CLVS2: variants seen among roughly 807,000 people sequenced by gnomAD.
CLVS2 encodes the protein clavesin-2.
CLVS2 carries 19 observed loss-of-function variants against 29.0 expected under a neutral mutation model. The observed-to-expected ratio is 0.66, with a 90% CI of 0.46 to 0.96. The LOEUF is 0.96. CLVS2 is among the 40% of genes least tolerant of loss of function. The pLI, the probability that CLVS2 is intolerant of heterozygous loss-of-function variation, is 0.00. For missense variants in CLVS2, 294 were observed against 404.1 expected (o/e 0.73, Z 2.34); for synonymous variants, 161 against 151.3 (o/e 1.06, Z -0.47).
intron 3 of CLVS2, among the ~76,000 whole-genome samples, chr6:123,037,001 C>A (rs1226192208): frequency 2.6e-5 from 4 of 152,148 alleles, no homozygotes; most frequent in Admixed American, 6.6e-5. Flanking sequence ...TTATTATTTT[C>A]AAATATACAG....
At chr6:123,025,480 A>G (rs1774987995) in intron 3 of CLVS2, among the ~76,000 whole-genome samples, 1 of 152,150 alleles carries the variant, frequency 6.6e-6, no homozygotes, top group Non-Finnish European at 1.5e-5. Flanking sequence ...GATAATATGA[A>G]CATATATGAA....
At chr6:123,026,344 A>AATCTTTATTT (rs1424126871) in intron 3 of CLVS2, among the ~76,000 whole-genome samples, 1 of 152,182 alleles carries the variant, frequency 6.6e-6, no homozygotes, top group East Asian at 1.9e-4. Context: ...TTCACTCTAA[A>AATCTTTATTT]ATCTTTATTT....
At chr6:123,047,330 C>A (rs1468375517) in intron 3 of CLVS2, among the ~76,000 whole-genome samples, 7 of 152,010 alleles carry the variant, frequency 4.6e-5, no homozygotes, top group Admixed American at 3.3e-4. Flanking sequence ...ATAATAACCT[C>A]TCAATGAATG....
chr6:123,032,611 G>A (rs1250793163), intron 3 of CLVS2, among the ~76,000 whole-genome samples: 2 of 152,064 alleles, frequency 1.3e-5, no homozygotes, highest in Non-Finnish European at 2.9e-5. Context: ...ATAAAAGCGA[G>A]TGTTGGTTGT....
At chr6:123,020,123 C>T (rs1465595736) in intron 3 of CLVS2, among the ~76,000 whole-genome samples, 1 of 152,032 alleles carries the variant, frequency 6.6e-6, no homozygotes, top group Non-Finnish European at 1.5e-5. Context: ...AACACCTGAG[C>T]ACCCCTTGGT....
intron 3 of CLVS2, among the ~76,000 whole-genome samples, chr6:123,029,342 A>G (rs1186719858): frequency 1.3e-5 from 2 of 152,246 alleles, no homozygotes; most frequent in Non-Finnish European, 2.9e-5. Flanking sequence ...TGCAAACAAC[A>G]TATGAAAGGA....
chr6:123,035,307 C>G (rs1183450050), intron 3 of CLVS2, among the ~76,000 whole-genome samples: 1 of 150,996 alleles, frequency 6.6e-6, no homozygotes, highest in Non-Finnish European at 1.5e-5. Context: ...ATGGAACTTA[C>G]CATTGGGTAC....
intron 3 of CLVS2, among the ~76,000 whole-genome samples, chr6:123,027,381 A>C (rs1775018495): frequency 6.6e-6 from 1 of 152,240 alleles, no homozygotes; most frequent in South Asian, 2.1e-4. Context: ...AAACCAGCCC[A>C]GAGATGCTAA....
intron 4 of CLVS2, among the ~76,000 whole-genome samples, chr6:123,049,852 A>T (rs144193708): frequency 0.013 from 1,969 of 150,864 alleles, 17 homozygotes; most frequent in Middle Eastern, 0.038. Context: ...ATGTTAAATG[A>T]TGAGTTAATA....
In CLVS2 at chr6:123,067,368, A is replaced by G. The variant is rs1045012204; in HGVS notation, c.*3607A>G. On this transcript the variant is annotated 3_prime_UTR_variant, in exon 6 of 6. Transcript: ENST00000275162. ...GGGACAGGGATCATTTGCTTCTACA[A>G]TGTAAAGGTTTATGGACATATCTCT... is the stretch of plus-strand genomic sequence containing the variant. 4 of 151,676 alleles carry G rather than the reference A, an allele frequency of 2.6e-5. No individual in the cohort carries two copies. Among genetic ancestry groups the G allele is most frequent in the Non-Finnish European group, 5.9e-5 (4 of 67,726 alleles). 9.4% of individuals were successfully genotyped at this position (151,676 alleles called of 1,614,324 possible). A position where few individuals can be genotyped will look rare whatever the true frequency, so the allele number is the denominator to read the frequency against.
intron 3 of CLVS2, among the ~76,000 whole-genome samples, chr6:123,024,512 T>TAA: frequency 6.6e-6 from 1 of 152,230 alleles, no homozygotes; most frequent in Non-Finnish European, 1.5e-5. Context: ...GGTCATGCCA[T>TAA]TGGCTCTGGG....
At position 123,067,166 on chromosome 6, in the gene CLVS2, T is replaced by C. The variant is rs568243536; in HGVS notation, c.*3405T>C. On this transcript the variant is annotated 3_prime_UTR_variant, in exon 6 of 6. Coordinates refer to ENST00000275162, the MANE Select transcript of CLVS2 (RefSeq NM_001010852.4). ...AAAAATTCATACATTAATACTTAGC[T>C]TTTTTAATACTGTTAACTAGGTCAT... 6.6e-6 allele frequency: 1 copy of C among 151,762 alleles called. No individual in the cohort carries two copies. Among genetic ancestry groups the C allele is most frequent in the African/African-American group, 2.4e-5 (1 of 41,396 alleles). 9.4% of individuals were successfully genotyped at this position (151,762 alleles called of 1,614,324 possible). A position where few individuals can be genotyped will look rare whatever the true frequency, so the allele number is the denominator to read the frequency against.
chr6:123,060,369 A>C (rs1199142363), intron 5 of CLVS2, among the ~76,000 whole-genome samples: 1 of 152,262 alleles, frequency 6.6e-6, no homozygotes, highest in East Asian at 1.9e-4. Flanking sequence ...TGCCTGGCAC[A>C]TAACAGTAGT....
Position 123,066,693 on chromosome 6 carries a change from T to C in CLVS2, c.*2932T>C, listed in dbSNP as rs553297718. 1.3e-5 allele frequency: 2 copies of C among 151,896 alleles called. No homozygotes were observed. The highest frequency in any genetic ancestry group is 2.1e-4 in the South Asian group (1 of 4,832). 9.4% of individuals were successfully genotyped at this position (151,896 alleles called of 1,614,324 possible). A position where few individuals can be genotyped will look rare whatever the true frequency, so the allele number is the denominator to read the frequency against. On this transcript the variant is annotated 3_prime_UTR_variant, in exon 6 of 6. Transcript: ENST00000275162. ...CTACTATTTAAGAGGGAAGAGATTA[T>C]CATGAAAATATACTCTAAGAAATAT...
chr6:123,006,069 A>G (rs1395514587), intron 2 of CLVS2, among the ~76,000 whole-genome samples: 3 of 152,232 alleles, frequency 2.0e-5, no homozygotes, highest in Non-Finnish European at 4.4e-5. Context: ...GCCATAGAAC[A>G]AACACTGAAG....
chr6:123,049,449 A>G (rs1772570105), intron 4 of CLVS2, among the ~76,000 whole-genome samples: 1 of 152,178 alleles, frequency 6.6e-6, no homozygotes, highest in Non-Finnish European at 1.5e-5. Flanking sequence ...TCTGAAAAGT[A>G]AATTTAGTAA....
intron 5 of CLVS2, among the ~76,000 whole-genome samples, chr6:123,057,370 T>C (rs561348881): frequency 7.4e-6 from 1 of 134,410 alleles, no homozygotes; most frequent in East Asian, 2.2e-4. Context: ...TTTTTTGAGA[T>C]GAGTCTAGCT....
chr6:123,027,971 A>G (rs1001023653), intron 3 of CLVS2, among the ~76,000 whole-genome samples: 1 of 152,178 alleles, frequency 6.6e-6, no homozygotes, highest in Non-Finnish European at 1.5e-5. Context: ...TCTTACATGA[A>G]TTTTTAGTAA....
At chr6:123,011,248 A>G (rs1480036409) in intron 3 of CLVS2, 89 bp downstream of exon 3, 1 of 1,035,094 alleles carries the variant, frequency 9.7e-7, no homozygotes, top group African/African-American at 1.6e-5. Flanking sequence ...TCTTACTTAC[A>G]GAATAACAAA....
Sources: gnomAD v4.1 joint callset for allele counts (sites outside exome capture counted in the v4.1 genomes callset) on GRCh38, gnomAD v4.1.1 for gene constraint, MANE v1.5 for transcripts, NCBI Gene and HGNC (gene_info 2026-07-23, HGNC 2026-07-21) for gene names.